RBFOX3: variants seen among roughly 807,000 people sequenced by gnomAD.
RBFOX3 encodes the protein RNA binding protein fox-1 homolog 3.
Under a neutral mutation model 48.7 loss-of-function variants are expected in RBFOX3, and 17 were observed. That is an observed-to-expected ratio of 0.35 (90% CI 0.24 to 0.52). The LOEUF (loss-of-function observed/expected upper bound fraction) is 0.52. RBFOX3 is among the 20% of genes least tolerant of loss of function. RBFOX3 has a pLI of 0.94. For missense variants in RBFOX3, 382 were observed against 497.5 expected, an observed-to-expected ratio of 0.77 and a Z score of 2.21; for synonymous variants, 212 against 209.5, an observed-to-expected ratio of 1.01 and a Z score of -0.10.
rs543414936 is a variant in RBFOX3 at position 79,178,495 on chromosome 17, C to A, written c.-34+57271G>T. On this transcript the variant is annotated intron_variant, in intron 4 of 14. Transcript: ENST00000693108. ...AGCCCCAATTCTGGAATCTGGCTGCCTGGGCTGGAATCCAGGTTCTGCTTC... is the reference window on the plus strand; with the variant it reads ...AGCCCCAATTCTGGAATCTGGCTGCATGGGCTGGAATCCAGGTTCTGCTTC... Among the ~76,000 whole-genome samples the A allele has an allele frequency of 2.0e-5, 3 of 152,320 alleles. No homozygotes were observed. In the East Asian group the frequency reaches 5.8e-4, roughly 29 times the overall value.
At chr17:79,129,030 C>T (rs918857792) in intron 4 of RBFOX3, among the ~76,000 whole-genome samples, 1 of 152,094 alleles carries the variant, frequency 6.6e-6, no homozygotes, top group Non-Finnish European at 1.5e-5. Flanking sequence ...CCCCAGACCC[C>T]GAGACCCTGA....
intron 2 of RBFOX3, among the ~76,000 whole-genome samples, chr17:79,435,422 G>C (rs1555730563): frequency 6.6e-6 from 1 of 152,226 alleles, no homozygotes; most frequent in African/African-American, 2.4e-5. Flanking sequence ...TTCCAACACA[G>C]GCTTGTCCCC....
At chr17:79,656,749 A>AGAAGGAAG in the RBFOX3 span, among the ~76,000 whole-genome samples, 2 of 51,856 alleles carry the variant, frequency 3.9e-5, no homozygotes, top group African/African-American at 1.2e-4. Flanking sequence ...AAAGAAAGAA[A>AGAAGGAAG]GAAGGAAGGA....
At chr17:79,608,441 G>A (rs1400668985) in intron 1 of RBFOX3, among the ~76,000 whole-genome samples, 1 of 152,194 alleles carries the variant, frequency 6.6e-6, no homozygotes, top group African/African-American at 2.4e-5. Context: ...GAGGAAGGTG[G>A]ATCAAAGCAA....
At chr17:79,197,012 G>A (rs528693516) in intron 4 of RBFOX3, among the ~76,000 whole-genome samples, 1 of 152,304 alleles carries the variant, frequency 6.6e-6, no homozygotes, top group Admixed American at 6.5e-5. Flanking sequence ...TGCTAACAGG[G>A]AAGTAGTAGG....
Position 79,204,574 on chromosome 17 carries a change from G to A in RBFOX3, c.-34+31192C>T, listed in dbSNP as rs1335551679. 1.3e-5 allele frequency among the ~76,000 whole-genome samples: 2 copies of A among 152,188 alleles called. No individual in the cohort carries two copies. Among genetic ancestry groups the A allele is most frequent in the Admixed American group, 1.3e-4 (2 of 15,280 alleles). Reference sequence around the variant, plus strand: ...AAGGGGTCCGAAGGCCCCAGATGCTGTGAACAGAGAACCCACTAGATGACT... The same window carrying A: ...AAGGGGTCCGAAGGCCCCAGATGCTATGAACAGAGAACCCACTAGATGACT... On this transcript the variant is annotated intron_variant, in intron 4 of 14. Transcript: ENST00000693108. This position sits in a 1 kb window ranked among gnomAD's most constrained non-coding sequence, Gnocchi z 4.5.
intron 1 of RBFOX3, among the ~76,000 whole-genome samples, chr17:79,499,909 T>G (rs1389696974): frequency 6.6e-6 from 1 of 152,242 alleles, no homozygotes; most frequent in Non-Finnish European, 1.5e-5. Flanking sequence ...CCCTTTGCCA[T>G]GCGATTTTGC....
At chr17:79,410,473 G>T (rs561756821) in intron 2 of RBFOX3, among the ~76,000 whole-genome samples, 13 of 152,262 alleles carry the variant, frequency 8.5e-5, no homozygotes, top group Non-Finnish European at 1.6e-4. Context: ...CCCAGGTAGG[G>T]AGTTTATCAG....
intron 2 of RBFOX3, among the ~76,000 whole-genome samples, chr17:79,353,495 T>C (rs1252322706): frequency 6.6e-6 from 1 of 152,230 alleles, no homozygotes. Context: ...GCTTACAGAA[T>C]TTCTGGGAAA....
chr17:79,438,104 GCA>G (rs10659732), intron 2 of RBFOX3, among the ~76,000 whole-genome samples: 5 of 150,772 alleles, frequency 3.3e-5, no homozygotes, highest in Admixed American at 6.6e-5. Flanking sequence ...GTGCACAGGC[GCA>G]CACACACACA....
At chr17:79,472,931 G>A (rs896679412) in intron 2 of RBFOX3, among the ~76,000 whole-genome samples, 16 of 152,138 alleles carry the variant, frequency 1.1e-4, no homozygotes, top group African/African-American at 3.6e-4. Context: ...TTTTGAGACA[G>A]GGTCTCACTA....
intron 4 of RBFOX3, among the ~76,000 whole-genome samples, chr17:79,210,163 T>A (rs34598895): frequency 0.45 from 67,757 of 151,958 alleles, 17,181 homozygotes; most frequent in Non-Finnish European, 0.56. Flanking sequence ...GGGAGGGATA[T>A]GGAGTGGGGA....
At chr17:79,159,932 G>C (rs565697854) in intron 4 of RBFOX3, among the ~76,000 whole-genome samples, 1 of 152,174 alleles carries the variant, frequency 6.6e-6, no homozygotes, top group Non-Finnish European at 1.5e-5. Context: ...GTGTTCCAGC[G>C]TCCCGGGACA....
chr17:79,453,586 A>G (rs2073950643), intron 2 of RBFOX3, among the ~76,000 whole-genome samples: 2 of 152,282 alleles, frequency 1.3e-5, no homozygotes, highest in African/African-American at 4.8e-5. Flanking sequence ...GGTTATGGAG[A>G]GAAATAGTGC....
At chr17:79,406,595 A>T (rs2063562681) in intron 2 of RBFOX3, among the ~76,000 whole-genome samples, 1 of 152,146 alleles carries the variant, frequency 6.6e-6, no homozygotes, top group Admixed American at 6.5e-5. Context: ...GGGACAATTA[A>T]CAAACGGTGC....
intron 10 of RBFOX3, 113 bp from the exon 11 acceptor site, chr17:79,097,537 C>T: frequency 7.3e-7 from 1 of 1,376,308 alleles, no homozygotes. Context: ...CCTCCCCAAG[C>T]CCCGCCCCCG....
intron 4 of RBFOX3, among the ~76,000 whole-genome samples, chr17:79,153,942 G>A (rs2045173530): frequency 6.6e-6 from 1 of 152,176 alleles, no homozygotes; most frequent in Non-Finnish European, 1.5e-5. Context: ...CTACTGTCTT[G>A]AGGGGATGGG....
At chr17:79,416,142 G>A (rs1555718924) in intron 2 of RBFOX3, among the ~76,000 whole-genome samples, 9 of 152,216 alleles carry the variant, frequency 5.9e-5, no homozygotes. Flanking sequence ...GCCCCCACAA[G>A]GCCAAGGGCT....
At chr17:79,533,052 C>A (rs1006699033) in intron 1 of RBFOX3, among the ~76,000 whole-genome samples, 22 of 152,224 alleles carry the variant, frequency 1.4e-4, no homozygotes, top group African/African-American at 4.8e-4. Flanking sequence ...CAGGCAAGGT[C>A]TTGACTCCCG....
Sources: gnomAD v4.1 joint callset for allele counts (sites outside exome capture counted in the v4.1 genomes callset) on GRCh38, gnomAD v4.1.1 for gene constraint, Gnocchi (gnomAD v3.1) non-coding constraint, MANE v1.5 for transcripts, NCBI Gene and HGNC (gene_info 2026-07-23, HGNC 2026-07-21) for gene names.